ANO3: variants seen among roughly 807,000 people sequenced by gnomAD.
The protein encoded by ANO3 is anoctamin 3, also known as anoctamin-3.
A neutral mutation model predicts 144.8 loss-of-function variants in ANO3; 99 were observed. The ratio of observed to expected loss-of-function variants is 0.68; its 90% CI spans 0.58 to 0.81. The LOEUF (loss-of-function observed/expected upper bound fraction) is 0.81. ANO3 is among the 30% of genes least tolerant of loss of function. The pLI, the probability that ANO3 is intolerant of heterozygous loss-of-function variation, is 0.00. For missense variants in ANO3, 905 were observed against 1,202.2 expected (o/e 0.75, Z 3.66); for synonymous variants, 414 against 392.6 (o/e 1.05, Z -0.64).
intron 24 of ANO3, among the ~76,000 whole-genome samples, chr11:26,650,730 A>G (rs1853504911): frequency 6.6e-6 from 1 of 152,228 alleles, no homozygotes; most frequent in African/African-American, 2.4e-5. Context: ...TAAATATTCT[A>G]TGTGACAAAA....
At chr11:26,637,699 C>A (rs567170016) in intron 20 of ANO3, among the ~76,000 whole-genome samples, 2 of 152,282 alleles carry the variant, frequency 1.3e-5, no homozygotes, top group Middle Eastern at 3.4e-3. Flanking sequence ...TAAGCATGAC[C>A]ATTTGCAAAT....
intron 1 of ANO3, among the ~76,000 whole-genome samples, chr11:26,323,821 A>G (rs1049353043): frequency 1.3e-5 from 2 of 152,194 alleles, no homozygotes; most frequent in Non-Finnish European, 2.9e-5. Flanking sequence ...GTGTTTATTT[A>G]GAAAAAAAAG....
At chr11:26,236,817 C>CAAAAA (rs55979503) in intron 1 of ANO3, among the ~76,000 whole-genome samples, 6 of 86,708 alleles carry the variant, frequency 6.9e-5, no homozygotes, top group East Asian at 3.4e-4. Context: ...GACTCCGTCT[C>CAAAAA]AAAAAAAAAA....
intron 14 of ANO3, chr11:26,565,134 C>T (rs868072510): frequency 1.3e-6 from 2 of 1,487,214 alleles, no homozygotes; most frequent in African/African-American, 2.8e-5. Context: ...CAGTTTCACA[C>T]AAAAGGAAAG....
chr11:26,451,712 T>C (rs1265224243), intron 3 of ANO3, among the ~76,000 whole-genome samples: 3 of 152,160 alleles, frequency 2.0e-5, no homozygotes, highest in Non-Finnish European at 2.9e-5. Flanking sequence ...TGTTCCTGTC[T>C]GACAGATTTG....
intron 1 of ANO3, among the ~76,000 whole-genome samples, chr11:26,276,387 G>A (rs1031127897): frequency 2.0e-5 from 3 of 151,980 alleles, no homozygotes; most frequent in Non-Finnish European, 2.9e-5. Flanking sequence ...GACCCCATTC[G>A]AGAAACTCTG....
intron 4 of ANO3, among the ~76,000 whole-genome samples, chr11:26,483,551 C>A (rs1234720677): frequency 6.6e-6 from 1 of 152,154 alleles, no homozygotes; most frequent in Middle Eastern, 3.2e-3. Context: ...TTCCTCTTTG[C>A]CTTCTACCAT....
In ANO3 at chr11:26,200,777, T is replaced by C. The variant is rs1159079771; in HGVS notation, c.154+11447T>C. Among the ~76,000 whole-genome samples the C allele has an allele frequency of 2.0e-5, 3 of 152,160 alleles. No individual in the cohort carries two copies. In the East Asian group the frequency reaches 5.8e-4, roughly 29 times the overall value. On this transcript the variant is annotated intron_variant, in intron 1 of 27. Transcript: ENST00000672621. ...CTAGAGAGTATTGTCCTCTTGGTAA[T>C]AGTGTTTCATTTGCTTTGTTTTAAT...
intron 1 of ANO3, among the ~76,000 whole-genome samples, chr11:26,364,028 T>C (rs1253481573): frequency 6.6e-6 from 1 of 152,204 alleles, no homozygotes; most frequent in South Asian, 2.1e-4. Flanking sequence ...TAATTTGTGA[T>C]ATTACTTAGA....
chr11:26,531,110 AG>A (rs1381178311), intron 7 of ANO3, 94 bp from the exon 8 acceptor site: 31 of 1,386,952 alleles, frequency 2.2e-5, no homozygotes, highest in Non-Finnish European at 3.0e-5. Context: ...CTCTTTTCAA[AG>A]AAGTTTCTTT....
chr11:26,644,524 A>G (rs918991437), intron 23 of ANO3, among the ~76,000 whole-genome samples: 1 of 152,182 alleles, frequency 6.6e-6, no homozygotes, highest in Non-Finnish European at 1.5e-5. Flanking sequence ...TTTGATATGT[A>G]ATTTGGCAGC....
chr11:26,381,705 A>G (rs1202745165), intron 1 of ANO3, among the ~76,000 whole-genome samples: 2 of 152,098 alleles, frequency 1.3e-5, no homozygotes, highest in African/African-American at 2.4e-5. Context: ...CCATATCTCT[A>G]CCTTCAACTC....
intron 1 of ANO3, among the ~76,000 whole-genome samples, chr11:26,256,694 C>T (rs1466176216): frequency 1.3e-5 from 2 of 152,062 alleles, no homozygotes; most frequent in African/African-American, 2.4e-5. Context: ...AAGCAACTAA[C>T]GCCACCATCC....
chr11:26,583,241 A>G (rs1851182104), intron 14 of ANO3, among the ~76,000 whole-genome samples: 1 of 152,218 alleles, frequency 6.6e-6, no homozygotes, highest in Non-Finnish European at 1.5e-5. Flanking sequence ...TATTTCTTCA[A>G]GAAATTTGCA....
At chr11:26,474,056 G>A (rs1182645795) in intron 4 of ANO3, 2 of 985,086 alleles carry the variant, frequency 2.0e-6, no homozygotes, top group South Asian at 4.7e-5. Context: ...GTGCTTTAAA[G>A]AAGATTGTCA....
At chr11:26,423,930 C>T (rs755764710) in intron 1 of ANO3, among the ~76,000 whole-genome samples, 1 of 151,814 alleles carries the variant, frequency 6.6e-6, no homozygotes, top group Non-Finnish European at 1.5e-5. Flanking sequence ...AATTTCTTAA[C>T]CTCTCCTAGT....
Position 26,544,273 on chromosome 11 carries a change from T to TATATATATATATAC in ANO3, c.1154+2206_1154+2207insTATATATATATACA. Reference sequence around the variant, plus strand: ...ATACATATATATATATATATATATATACACACATACACACACACACACACA... The same window carrying TATATATATATATAC: ...ATACATATATATATATATATATATATATATATATATATACACACACATACACACACACACACACA... On this transcript the variant is annotated intron_variant, in intron 11 of 26. Coordinates refer to ENST00000256737, the MANE Select transcript of ANO3 (RefSeq NM_031418.4). 1.3e-3 allele frequency among the ~76,000 whole-genome samples: 78 copies of TATATATATATATAC among 58,486 alleles called. 3 individuals carry two copies. The highest frequency in any genetic ancestry group is 2.0e-3 in the South Asian group (2 of 1,012). 38.4% of individuals were successfully genotyped at this position (58,486 alleles called of 152,430 possible). A position where few individuals can be genotyped will look rare whatever the true frequency, so the allele number is the denominator to read the frequency against.
At chr11:26,589,554 AC>A (rs1851385371) in intron 14 of ANO3, among the ~76,000 whole-genome samples, 3 of 151,938 alleles carry the variant, frequency 2.0e-5, no homozygotes, top group Non-Finnish European at 4.4e-5. Context: ...CATTTTCATT[AC>A]CCCAGAAGAA....
intron 18 of ANO3, among the ~76,000 whole-genome samples, chr11:26,628,070 A>G (rs1190110902): frequency 1.3e-5 from 2 of 152,200 alleles, no homozygotes; most frequent in African/African-American, 4.8e-5. Flanking sequence ...GTTTTTTAAC[A>G]TGGGAAAAAT....
Sources: allele counts gnomAD v4.1 joint callset (sites outside exome capture counted in the v4.1 genomes callset), GRCh38; gene constraint gnomAD v4.1.1; transcripts MANE v1.5; gene names NCBI Gene and HGNC (gene_info 2026-07-23, HGNC 2026-07-21).